Variants in CSTF2T observed in about 807,000 individuals in gnomAD.
The protein encoded by CSTF2T is cleavage stimulation factor subunit 2 tau variant, also known as CF-1 64 kDa subunit tau.
Under a neutral mutation model 39.9 loss-of-function variants are expected in CSTF2T, and 18 were observed. The ratio of observed to expected loss-of-function variants is 0.45; its 90% CI spans 0.31 to 0.67. CSTF2T has a LOEUF of 0.67. Among genes scored for constraint, CSTF2T ranks in the 30% least tolerant of loss-of-function variants. The pLI, the probability that CSTF2T is intolerant of heterozygous loss-of-function variation, is 0.06. For synonymous variants in CSTF2T, 291 were observed against 276.4 expected, an observed-to-expected ratio of 1.05 and a Z score of -0.52; for missense variants, 681 against 789.0, an observed-to-expected ratio of 0.86 and a Z score of 1.64.
Position 51,698,646 on chromosome 10 carries a change from G to A in CSTF2T, c.904C>T (p.Arg302Trp), listed in dbSNP as rs778762664. 11 of 1,613,948 alleles carry A rather than the reference G, an allele frequency of 6.8e-6. No individual in the cohort carries two copies. Among genetic ancestry groups the A allele is most frequent in the South Asian group, 6.6e-5 (6 of 91,088 alleles). ...GGATCTGACATCTGCACTTGTCCCC[G>A]CTCTAAAGGCACTGGGCCAACCCCT... is the stretch of plus-strand genomic sequence containing the variant. ...MPGVGPVPLE[R>W]GQVQMSDPRA... Residue 302 changes from arginine to tryptophan, a missense_variant, in exon 1 of 1, where the codon CGG becomes TGG. By Grantham distance (101) the Arg-to-Trp change is moderately radical. Around this residue, in one of 4 missense-constraint regions of CSTF2T, gnomAD observed 329 missense variants for 344.1 expected, o/e 0.96. Coordinates refer to ENST00000331173, the MANE Select transcript of CSTF2T (RefSeq NM_015235.3).
At position 51,696,283 on chromosome 10, in the gene CSTF2T, G is replaced by A. The variant is rs188365307; in HGVS notation, c.*1416C>T. ...TTTAAAGGTTTTTAACTCCTGTCTG[G>A]TGGAGCAAATGGACACCATCTGTAT... On this transcript the variant is annotated 3_prime_UTR_variant, in exon 1 of 1. Coordinates refer to ENST00000331173, the MANE Select transcript of CSTF2T (RefSeq NM_015235.3). 1 of 152,256 alleles carries A rather than the reference G, an allele frequency of 6.6e-6. No homozygotes were observed. The highest frequency in any genetic ancestry group is 1.9e-4 in the East Asian group (1 of 5,188). The allele number at this position is 152,256 out of a possible 1,614,324, so 9.4% of individuals were successfully genotyped here. A position where few individuals can be genotyped will look rare whatever the true frequency, so the allele number is the denominator to read the frequency against.
Position 51,699,330 on chromosome 10 carries a change from T to G in CSTF2T, c.220A>C (p.Met74Leu). 6.2e-7 allele frequency: 1 copy of G among 1,614,186 alleles called. No homozygotes were observed. The highest frequency in any genetic ancestry group is 8.5e-7 in the Non-Finnish European group (1 of 1,180,040). ...YQDQETALSA[M>L]RNLNGREFSG... The stretch of plus-strand genomic sequence containing the variant: ...AACTCCCGCCCATTGAGGTTCCGCA[T>G]GGCACTAAGCGCGGTCTCCTGGTCT... The change falls in exon 1 of 1, where the codon ATG (methionine) becomes CTG (leucine). Residue 74 changes from methionine to leucine, a missense_variant. This residue lies in a region of CSTF2T where 65 missense variants were observed against 134.2 expected (regional missense o/e 0.48). Coordinates refer to ENST00000331173, the MANE Select transcript of CSTF2T (RefSeq NM_015235.3).
chr10:51,698,642 C>G lies in CSTF2T; in HGVS notation c.908G>C (p.Gly303Ala). The change falls in exon 1 of 1, where the codon GGA becomes GCA. Residue 303 changes from glycine to alanine, a missense_variant. By Grantham distance (60) the Gly-to-Ala change is moderately conservative. Transcript: ENST00000331173. Reference protein sequence around the residue: ...PGVGPVPLERGQVQMSDPRAP... With the variant: ...PGVGPVPLERAQVQMSDPRAP... ...TCTAGGATCTGACATCTGCACTTGT[C>G]CCCGCTCTAAAGGCACTGGGCCAAC... is the stretch of plus-strand genomic sequence containing the variant. 1 of 1,614,118 alleles carries G rather than the reference C, an allele frequency of 6.2e-7. No homozygotes were observed. Among genetic ancestry groups the G allele is most frequent in the Non-Finnish European group, 8.5e-7 (1 of 1,180,036 alleles).
Position 51,698,587 on chromosome 10 carries a change from A to G in CSTF2T, c.963T>C (p.Pro321=). The G allele has an allele frequency of 6.2e-7, 1 of 1,613,882 alleles. No homozygotes were observed. The change falls in exon 1 of 1, where the codon CCT becomes CCC. Residue 321 remains proline, a synonymous_variant. Transcript: ENST00000331173. ...ACAGTCCTCGAGGAGGCAGACCACC[A>G]GGAGTCACGGGTCCGCGAGGTATAG... The part of the protein sequence containing the change: ...RAPIPRGPVT[P]GGLPPRGLLG...
chr10:51,696,161 C>A lies in CSTF2T; in HGVS notation c.*1538G>T, dbSNP rs887755560. On this transcript the variant is annotated 3_prime_UTR_variant, in exon 1 of 1. Transcript: ENST00000331173. ...AGTGAGTATTCAGGCTATATAAAAA[C>A]TTCTACCTACCTGGGCCTTGATTAT... 1.3e-5 allele frequency: 2 copies of A among 152,116 alleles called. No individual in the cohort carries two copies. The highest frequency in any genetic ancestry group is 3.9e-4 in the East Asian group (2 of 5,194). 9.4% of individuals were successfully genotyped at this position (152,116 alleles called of 1,614,324 possible). A position where few individuals can be genotyped will look rare whatever the true frequency, so the allele number is the denominator to read the frequency against.
chr10:51,695,515 A>G lies in CSTF2T; in HGVS notation c.*2184T>C, dbSNP rs1471490479. ...CCTTAATTGTATCTTTATTTTCTGCATGAAACAATGCAGAGATTTGACTAA... is the reference window on the plus strand; with the variant it reads ...CCTTAATTGTATCTTTATTTTCTGCGTGAAACAATGCAGAGATTTGACTAA... On this transcript the variant is annotated 3_prime_UTR_variant, in exon 1 of 1. Transcript: ENST00000331173. The G allele has an allele frequency of 6.6e-6, 1 of 152,226 alleles. No homozygotes were observed. Among genetic ancestry groups the G allele is most frequent in the East Asian group, 1.9e-4 (1 of 5,202 alleles). 9.4% of individuals were successfully genotyped at this position (152,226 alleles called of 1,614,324 possible).
chr10:51,698,669 C>G lies in CSTF2T; in HGVS notation c.881G>C (p.Gly294Ala), dbSNP rs1841375361. Residue 294 changes from glycine (G) to alanine (A), a missense_variant, in exon 1 of 1, where the codon GGG (glycine) becomes GCG (alanine). This residue lies in a region of CSTF2T where 329 missense variants were observed against 344.1 expected (regional missense o/e 0.96). Coordinates refer to ENST00000331173, the MANE Select transcript of CSTF2T (RefSeq NM_015235.3). ...GAMQPQLGMPGVGPVPLERGQ... is the reference protein window; with the variant it reads ...GAMQPQLGMPAVGPVPLERGQ... ...CCGCTCTAAAGGCACTGGGCCAACCCCTGGCATTCCAAGTTGGGGCTGCAT... is the reference window on the plus strand; with the variant it reads ...CCGCTCTAAAGGCACTGGGCCAACCGCTGGCATTCCAAGTTGGGGCTGCAT... 1.2e-6 allele frequency: 2 copies of G among 1,614,194 alleles called. No homozygotes were observed. Among genetic ancestry groups the G allele is most frequent in the Non-Finnish European group, 1.7e-6 (2 of 1,180,028 alleles).
In CSTF2T at chr10:51,697,376, G is replaced by A. The variant is rs1841323164; in HGVS notation, c.*323C>T. 1.2e-5 allele frequency: 3 copies of A among 243,188 alleles called. No homozygotes were observed. Among genetic ancestry groups the A allele is most frequent in the Admixed American group, 5.1e-5 (1 of 19,628 alleles). The allele number at this position is 243,188 out of a possible 1,614,324, so 15.1% of individuals were successfully genotyped here. ...GAGCAGTTTTCACGAAGTTTTACTC[G>A]ACATTTAAAAAATGTAGTTAACATA... On this transcript the variant is annotated 3_prime_UTR_variant, in exon 1 of 1. Transcript: ENST00000331173.
In CSTF2T at chr10:51,696,216, T is replaced by C. The variant is rs971507361; in HGVS notation, c.*1483A>G. ...GGTAAGATGATTAATGATAGAAAAG[T>C]AGATTATGAAATAAGAAAACTAAAA... On this transcript the variant is annotated 3_prime_UTR_variant, in exon 1 of 1. Transcript: ENST00000331173. The C allele has an allele frequency of 6.6e-6, 1 of 151,948 alleles. No homozygotes were observed. The highest frequency in any genetic ancestry group is 1.5e-5 in the Non-Finnish European group (1 of 68,016). 9.4% of individuals were successfully genotyped at this position (151,948 alleles called of 1,614,324 possible). A position where few individuals can be genotyped will look rare whatever the true frequency, so the allele number is the denominator to read the frequency against.
At position 51,696,116 on chromosome 10, in the gene CSTF2T, G is replaced by C. The variant is rs754255455; in HGVS notation, c.*1583C>G. 6 of 152,150 alleles carry C rather than the reference G, an allele frequency of 3.9e-5. No homozygotes were observed. Among genetic ancestry groups the C allele is most frequent in the African/African-American group, 1.4e-4 (6 of 41,436 alleles). The allele number at this position is 152,150 out of a possible 1,614,324, so 9.4% of individuals were successfully genotyped here. A position where few individuals can be genotyped will look rare whatever the true frequency, so the allele number is the denominator to read the frequency against. On this transcript the variant is annotated 3_prime_UTR_variant, in exon 1 of 1. Transcript: ENST00000331173. Reference sequence around the variant, plus strand: ...TAAATGGCTGTATTCCATGCAAAAAGTAAAATGAGCAGTAAGTCAAGTGAG... The same window carrying C: ...TAAATGGCTGTATTCCATGCAAAAACTAAAATGAGCAGTAAGTCAAGTGAG...
In CSTF2T at chr10:51,699,388, TC is replaced by T. The variant is rs766567324; in HGVS notation, c.161del (p.Gly54GlufsTer48). On this transcript the variant is annotated frameshift_variant, in exon 1 of 1. Transcript: ENST00000331173. LOFTEE classifies it high-confidence loss of function. ...CGCAGAAGCCATAGCCCTTGGGTTT[TC>T]CCGTCTCTCTATCGTATACCAGCCG... ...SFRLVYDRETGKPKGYGFCEY... is the reference protein window; with the variant it reads ...SFRLVYDRETXKPKGYGFCEY... 6.8e-6 allele frequency: 11 copies of T among 1,614,100 alleles called. No individual in the cohort carries two copies. The highest frequency in any genetic ancestry group is 9.3e-6 in the Non-Finnish European group (11 of 1,180,036).
At position 51,698,030 on chromosome 10, in the gene CSTF2T, C is replaced by A. The variant is rs752349537; in HGVS notation, c.1520G>T (p.Gly507Val). 32 of 1,613,920 alleles carry A rather than the reference C, an allele frequency of 2.0e-5. No individual in the cohort carries two copies. The highest frequency in any genetic ancestry group is 2.5e-5 in the Non-Finnish European group (29 of 1,180,002). ...TCCTTGTATGCCTGTACCCTGCATA[C>A]CAGCTCCAGGATTCCCCACCCCTGA... ...GISGVGNPGA[G>V]MQGTGIQGTG... Residue 507 changes from glycine to valine, a missense_variant, in exon 1 of 1, where the codon GGT (glycine) becomes GTT (valine). Around this residue, in one of 4 missense-constraint regions of CSTF2T, gnomAD observed 282 missense variants for 289.2 expected, o/e 0.98. Transcript: ENST00000331173.
At position 51,699,208 on chromosome 10, in the gene CSTF2T, G is replaced by A. The variant is rs1448737806; in HGVS notation, c.342C>T (p.Pro114=). 6 of 1,613,988 alleles carry A rather than the reference G, an allele frequency of 3.7e-6. No individual in the cohort carries two copies. Among genetic ancestry groups the A allele is most frequent in the Non-Finnish European group, 5.1e-6 (6 of 1,180,024 alleles). Residue 114 remains proline (P), a synonymous_variant, in exon 1 of 1, where the codon CCC becomes CCT. Coordinates refer to ENST00000331173, the MANE Select transcript of CSTF2T (RefSeq NM_015235.3). ...LGPAAPIIDS[P]YGDPIDPEDA... is the part of the protein sequence containing the mutation. Reference sequence around the variant, plus strand: ...CTTCTGGATCGATGGGATCCCCATAGGGTGAGTCAATAATGGGCGCTGCAG... The same window carrying A: ...CTTCTGGATCGATGGGATCCCCATAAGGTGAGTCAATAATGGGCGCTGCAG...
rs1247474662 is a variant in CSTF2T at position 51,698,926 on chromosome 10, C to A, written c.624G>T (p.Val208=). 6.2e-7 allele frequency: 1 copy of A among 1,614,190 alleles called. No homozygotes were observed. Among genetic ancestry groups the A allele is most frequent in the Non-Finnish European group, 8.5e-7 (1 of 1,179,996 alleles). ...TPLIPGKSQS[V]SVSGPGPGPG... ...GGCCAGGGCCAGGGCCAGAGACAGA[C>A]ACAGACTGAGATTTGCCTGGGATCA... Residue 208 remains valine (V), a synonymous_variant, in exon 1 of 1, where the codon GTG becomes GTT. Transcript: ENST00000331173.
In CSTF2T at chr10:51,697,613, G is replaced by A; in HGVS notation, c.*86C>T. 1 of 1,265,112 alleles carries A rather than the reference G, an allele frequency of 7.9e-7. No individual in the cohort carries two copies. The allele number at this position is 1,265,112 out of a possible 1,614,324, so 78.4% of individuals were successfully genotyped here. A position where few individuals can be genotyped will look rare whatever the true frequency, so the allele number is the denominator to read the frequency against. On this transcript the variant is annotated 3_prime_UTR_variant, in exon 1 of 1. Coordinates refer to ENST00000331173, the MANE Select transcript of CSTF2T (RefSeq NM_015235.3). ...AGGAGGGAAACCCTAATCCAAGTGT[G>A]GGGATACAGAAGTCAGCTTTTTGCA...
chr10:51,696,983 T>G lies in CSTF2T; in HGVS notation c.*716A>C, dbSNP rs1564610838. On this transcript the variant is annotated 3_prime_UTR_variant, in exon 1 of 1. Coordinates refer to ENST00000331173, the MANE Select transcript of CSTF2T (RefSeq NM_015235.3). ...TAAGTAACCTGGTTGATCTTAGAAT[T>G]GTCACAGCAAAATCATCATGCTCAG... 1 of 151,812 alleles carries G rather than the reference T, an allele frequency of 6.6e-6. No homozygotes were observed. Among genetic ancestry groups the G allele is most frequent in the South Asian group, 2.1e-4 (1 of 4,808 alleles). 9.4% of individuals were successfully genotyped at this position (151,812 alleles called of 1,614,324 possible). A position where few individuals can be genotyped will look rare whatever the true frequency, so the allele number is the denominator to read the frequency against.
chr10:51,699,103 G>T lies in CSTF2T; in HGVS notation c.447C>A (p.Leu149=), dbSNP rs369131472. Residue 149 remains leucine, a synonymous_variant, in exon 1 of 1, where the codon CTC becomes CTA. Coordinates refer to ENST00000331173, the MANE Select transcript of CSTF2T (RefSeq NM_015235.3). The part of the protein sequence containing the change: ...QMFELMKQMK[L]CVQNSHQEAR... ...CTTCCTGGTGGCTGTTTTGGACACA[G>T]AGCTTCATCTGCTTCATCAGCTCAA... The T allele has an allele frequency of 1.2e-6, 2 of 1,614,110 alleles. No homozygotes were observed. Among genetic ancestry groups the T allele is most frequent in the Non-Finnish European group, 1.7e-6 (2 of 1,180,048 alleles).
chr10:51,698,121 C>G lies in CSTF2T; in HGVS notation c.1429G>C (p.Gly477Arg), dbSNP rs1362395569. 6.2e-7 allele frequency: 1 copy of G among 1,614,094 alleles called. No homozygotes were observed. Among genetic ancestry groups the G allele is most frequent in the East Asian group, 2.2e-5 (1 of 44,868 alleles). ...SRGPMTGGIQ[G>R]PGPINIGAGG... is the part of the protein sequence containing the mutation. ...GCCCCTATATTAATGGGACCAGGACCCTGAATTCCACCAGTCATAGGGCCT... is the reference window on the plus strand; with the variant it reads ...GCCCCTATATTAATGGGACCAGGACGCTGAATTCCACCAGTCATAGGGCCT... Residue 477 changes from glycine to arginine, a missense_variant, in exon 1 of 1, where the codon GGT becomes CGT. Transcript: ENST00000331173.
chr10:51,697,868 C>G lies in CSTF2T; in HGVS notation c.1682G>C (p.Ser561Thr), dbSNP rs765071867. ...GACCTGGCTCTGCCCAGGACTAAAA[C>G]TGCTAGGCTGGCTTCCACCTTGCTT... ...ASKQGGSQPS[S>T]FSPGQSQVTP... is the part of the protein sequence containing the mutation. Residue 561 changes from serine to threonine, a missense_variant, in exon 1 of 1, where the codon AGT becomes ACT. Ser to Thr is a moderately conservative substitution (Grantham distance 58). Around this residue, in one of 4 missense-constraint regions of CSTF2T, gnomAD observed 282 missense variants for 289.2 expected, o/e 0.98. Coordinates refer to ENST00000331173, the MANE Select transcript of CSTF2T (RefSeq NM_015235.3). 1.2e-6 allele frequency: 2 copies of G among 1,613,714 alleles called. No individual in the cohort carries two copies. The highest frequency in any genetic ancestry group is 2.7e-5 in the African/African-American group (2 of 74,916).
Sources: gnomAD v4.1 joint callset for allele counts on GRCh38, gnomAD v4.1.1 for gene constraint, gnomAD v4.1.1 regional missense constraint, MANE v1.5 for transcripts, NCBI Gene and HGNC (gene_info 2026-07-23, HGNC 2026-07-21) for gene names.